The following PAX5 variants were observed in gnomAD, a reference collection of about 807,000 sequenced individuals.
PAX5 encodes paired box protein Pax-5.
A neutral mutation model predicts 43.7 loss-of-function variants in PAX5; 9 were observed. The observed-to-expected ratio is 0.21, with a 90% confidence interval of 0.12 to 0.36. The LOEUF is 0.36. PAX5 is among the 10% of genes least tolerant of loss of function. The pLI is 1.00. For missense variants in PAX5, 383 were observed against 532.7 expected (o/e 0.72, Z 2.77); for synonymous variants, 228 against 214.3 (o/e 1.06, Z -0.56).
chr9:36,972,871 T>C (rs563786709), intron 5 of PAX5, among the ~76,000 whole-genome samples: 41 of 151,576 alleles, frequency 2.7e-4, no homozygotes, highest in African/African-American at 8.7e-4. Flanking sequence ...CTACTAAAAA[T>C]AGAAAAATTA....
In PAX5 at chr9:36,877,975, G is replaced by A. The variant is rs566049607; in HGVS notation, c.1012+4029C>T. Among the ~76,000 whole-genome samples the A allele has an allele frequency of 2.0e-5, 3 of 152,294 alleles. No individual in the cohort carries two copies. In the South Asian group the frequency reaches 6.2e-4, roughly 32 times the overall value. Reference sequence around the variant, plus strand: ...AGAAGGCAACCTGAAGATGGAGCAGGGAAACACTGAAAACTCCTGCCTTGG... The same window carrying A: ...AGAAGGCAACCTGAAGATGGAGCAGAGAAACACTGAAAACTCCTGCCTTGG... On this transcript the variant is annotated intron_variant, in intron 8 of 9. Transcript: ENST00000358127.
rs988214463 is a variant in PAX5 at position 36,837,679 on chromosome 9, C to T, written c.*2881G>A. 5.6e-5 allele frequency: 13 copies of T among 233,290 alleles called. No homozygotes were observed. Among genetic ancestry groups the T allele is most frequent in the Middle Eastern group, 1.3e-3 (1 of 786 alleles). The allele number at this position is 233,290 out of a possible 1,614,324, so 14.5% of individuals were successfully genotyped here. A position where few individuals can be genotyped will look rare whatever the true frequency, so the allele number is the denominator to read the frequency against. On this transcript the variant is annotated 3_prime_UTR_variant, in exon 10 of 10. Transcript: ENST00000358127. ...GAGAACATCCGTGTGCATCCATGTG[C>T]GCTTGTGCTTCCGCCTGGCAGCCCA...
chr9:36,956,644 T>C (rs1833507411), intron 6 of PAX5, among the ~76,000 whole-genome samples: 1 of 152,208 alleles, frequency 6.6e-6, no homozygotes, highest in Non-Finnish European at 1.5e-5. Flanking sequence ...TCCTTGTGCT[T>C]GGTTCACAGG....
chr9:36,972,267 A>G (rs1834978020), intron 5 of PAX5, among the ~76,000 whole-genome samples: 2 of 152,180 alleles, frequency 1.3e-5, no homozygotes, highest in South Asian at 4.1e-4. Context: ...GCTCCTTAGC[A>G]TGGCAGGGCC....
intron 7 of PAX5, among the ~76,000 whole-genome samples, chr9:36,908,197 TC>T (rs1476745703): frequency 2.2e-5 from 3 of 136,566 alleles, no homozygotes; most frequent in African/African-American, 8.0e-5. Flanking sequence ...AGACCCTGTT[TC>T]AAAAAAAAAA....
chr9:36,919,042 T>C (rs1464674502), intron 7 of PAX5, among the ~76,000 whole-genome samples: 2 of 152,238 alleles, frequency 1.3e-5, no homozygotes, highest in African/African-American at 4.8e-5. Flanking sequence ...CAAAGAACAG[T>C]CTGACTCTCT....
intron 8 of PAX5, among the ~76,000 whole-genome samples, chr9:36,861,632 G>A (rs1459266378): frequency 2.0e-5 from 3 of 151,888 alleles, no homozygotes; most frequent in African/African-American, 7.3e-5. Context: ...GGCCCTCTAA[G>A]CAGAAGGAAC....
intron 8 of PAX5, among the ~76,000 whole-genome samples, chr9:36,866,697 G>T (rs1161717046): frequency 6.6e-6 from 1 of 152,026 alleles, no homozygotes. Flanking sequence ...GGACAATAGG[G>T]CAGAAAGAGG....
At chr9:36,864,035 C>T (rs562091257) in intron 8 of PAX5, among the ~76,000 whole-genome samples, 18 of 152,238 alleles carry the variant, frequency 1.2e-4, no homozygotes, top group African/African-American at 3.6e-4. Flanking sequence ...CTTGAACCCA[C>T]GAGGCAGAGG....
chr9:36,982,836 T>C (rs1390204263), intron 5 of PAX5, among the ~76,000 whole-genome samples: 1 of 152,174 alleles, frequency 6.6e-6, no homozygotes, highest in Non-Finnish European at 1.5e-5. Context: ...TTTTGCTTTT[T>C]CACAGACTCC....
rs1821681999 is a variant in PAX5, at chr9:36,836,894, A to G, written c.*3666T>C. On this transcript the variant is annotated 3_prime_UTR_variant, in exon 10 of 10. Coordinates refer to ENST00000358127, the MANE Select transcript of PAX5 (RefSeq NM_016734.3). ...ATGGCATGGCCTTGAATTGACTCTG[A>G]TACCCTCTGAACCTCAGGGACAGCT... 1 of 232,648 alleles carries G rather than the reference A, an allele frequency of 4.3e-6. No homozygotes were observed. Among genetic ancestry groups the G allele is most frequent in the Admixed American group, 5.6e-5 (1 of 17,784 alleles). 14.4% of individuals were successfully genotyped at this position (232,648 alleles called of 1,614,324 possible). A position where few individuals can be genotyped will look rare whatever the true frequency, so the allele number is the denominator to read the frequency against.
At chr9:36,964,818 G>A (rs1382225891) in intron 6 of PAX5, among the ~76,000 whole-genome samples, 2 of 152,094 alleles carry the variant, frequency 1.3e-5, no homozygotes, top group East Asian at 3.9e-4. Flanking sequence ...GTGTGTGGGG[G>A]CGGCTATGCC....
At chr9:36,858,721 C>G (rs1420251301) in intron 8 of PAX5, among the ~76,000 whole-genome samples, 1 of 152,146 alleles carries the variant, frequency 6.6e-6, no homozygotes, top group African/African-American at 2.4e-5. Context: ...AACCTCCTGG[C>G]ACATTCCCAA....
chr9:37,013,350 C>G (rs1024508542), intron 3 of PAX5, among the ~76,000 whole-genome samples: 1 of 152,086 alleles, frequency 6.6e-6, no homozygotes, highest in African/African-American at 2.4e-5. Context: ...ATCTGCCTGG[C>G]CCCATGTAAG....
At chr9:36,947,086 T>A (rs3758169) in intron 6 of PAX5, among the ~76,000 whole-genome samples, 109,330 of 152,170 alleles carry the variant, frequency 0.72, 40,073 homozygotes, top group Non-Finnish European at 0.79. Flanking sequence ...CCAGATTCTA[T>A]TCATAAATGA....
chr9:36,867,064 G>A (rs59317809), intron 8 of PAX5, among the ~76,000 whole-genome samples: 4 of 133,980 alleles, frequency 3.0e-5, no homozygotes, highest in Non-Finnish European at 6.3e-5. Context: ...GGGTGGTGGG[G>A]GGGGGGCCTT....
chr9:36,874,111 C>T (rs1017311993), intron 8 of PAX5, among the ~76,000 whole-genome samples: 3 of 152,254 alleles, frequency 2.0e-5, no homozygotes, highest in South Asian at 4.2e-4. Flanking sequence ...TTCTCCTCCC[C>T]GCTCCAGAAC....
chr9:36,850,649 G>A (rs1179839778), intron 8 of PAX5, among the ~76,000 whole-genome samples: 3 of 152,068 alleles, frequency 2.0e-5, no homozygotes, highest in South Asian at 2.1e-4. Context: ...TTTTCTTTAC[G>A]TATTCATAGA....
At chr9:36,936,721 T>C (rs553275006) in intron 6 of PAX5, among the ~76,000 whole-genome samples, 4 of 152,284 alleles carry the variant, frequency 2.6e-5, no homozygotes, top group African/African-American at 9.6e-5. Flanking sequence ...TCACTCCACA[T>C]GGCCAGATCA....
Sources: allele counts gnomAD v4.1 joint callset (sites outside exome capture counted in the v4.1 genomes callset), GRCh38; gene constraint gnomAD v4.1.1; transcripts MANE v1.5; gene names NCBI Gene and HGNC (gene_info 2026-07-23, HGNC 2026-07-21).